The following YLPM1 variants were observed in gnomAD, a reference collection of about 807,000 sequenced individuals.
YLPM1 encodes YLP motif-containing protein 1.
Under a neutral mutation model 230.0 loss-of-function variants are expected in YLPM1, and 99 were observed. That is an observed-to-expected ratio of 0.43 (90% CI 0.37 to 0.51). The LOEUF (loss-of-function observed/expected upper bound fraction) is 0.51, where lower values mean the gene tolerates loss of function less well. Ranked by LOEUF, YLPM1 falls within the 20% of genes least tolerant of loss-of-function variation. YLPM1 has a pLI of 0.00. For synonymous variants in YLPM1, 984 were observed against 942.5 expected (o/e 1.04, Z -0.81); for missense variants, 2,592 against 2,707.7 (o/e 0.96, Z 0.95).
At position 74,816,709 on chromosome 14, in the gene YLPM1, A is replaced by T. The variant is rs2091480933; in HGVS notation, c.5685+19A>T. 6.3e-7 allele frequency: 1 copy of T among 1,597,972 alleles called. No individual in the cohort carries two copies. Among genetic ancestry groups the T allele is most frequent in the Non-Finnish European group, 8.5e-7 (1 of 1,173,338 alleles). On this transcript the variant is annotated intron_variant, in intron 13 of 20. Transcript: ENST00000325680. ...AAAGAAGGTATGGTATTCATCTCAG[A>T]TCTCGTTCTGATTCATTAATAGTAT...
intron 4 of YLPM1, among the ~76,000 whole-genome samples, chr14:74,797,362 T>C (rs1209292814): frequency 6.6e-6 from 1 of 151,986 alleles, no homozygotes; most frequent in Non-Finnish European, 1.5e-5. Context: ...AGTTAGATAA[T>C]ACTGACATGA....
At chr14:74,832,103 T>C (rs2091612104) in intron 19 of YLPM1, among the ~76,000 whole-genome samples, 1 of 152,216 alleles carries the variant, frequency 6.6e-6, no homozygotes, top group Non-Finnish European at 1.5e-5. Context: ...CTTTGAGGGC[T>C]AGTTAAGATT....
At chr14:74,805,751 G>T (rs1370031855) in intron 6 of YLPM1, among the ~76,000 whole-genome samples, 1 of 147,404 alleles carries the variant, frequency 6.8e-6, no homozygotes, top group African/African-American at 2.5e-5. Flanking sequence ...CACCCAGGCT[G>T]GAGTGCAGTG....
In YLPM1 at chr14:74,780,547, A is replaced by G. The variant is rs766550096; in HGVS notation, c.1253A>G (p.Gln418Arg). The change falls in exon 3 of 21, where the codon CAG becomes CGG. Residue 418 changes from glutamine to arginine, a missense_variant. Gln to Arg is a conservative substitution (Grantham distance 43). Around this residue, in one of 4 missense-constraint regions of YLPM1, gnomAD observed 1,862 missense variants for 1,819.8 expected, o/e 1.02. Transcript: ENST00000325680. ...KHTQLQQILQ[Q>R]YQQIIQPPPH... ...ACTCAGTTACAGCAGATTCTACAAC[A>G]GTATCAGCAGATTATACAGCCCCCA... 1.2e-6 allele frequency: 2 copies of G among 1,613,784 alleles called. No homozygotes were observed. Among genetic ancestry groups the G allele is most frequent in the Non-Finnish European group, 1.7e-6 (2 of 1,179,826 alleles).
intron 1 of YLPM1, among the ~76,000 whole-genome samples, chr14:74,772,326 A>AT (rs1363619844): frequency 6.6e-6 from 1 of 150,838 alleles, no homozygotes; most frequent in Non-Finnish European, 1.5e-5. Flanking sequence ...TTTCTTAATA[A>AT]CAGTATTTGT....
intron 11 of YLPM1, among the ~76,000 whole-genome samples, chr14:74,813,478 G>A (rs937931161): frequency 6.6e-6 from 1 of 151,844 alleles, no homozygotes; most frequent in Non-Finnish European, 1.5e-5. Flanking sequence ...ATCCTTGCAA[G>A]GGTAACTCCC....
At chr14:74,816,803 A>G in intron 13 of YLPM1, 113 bp downstream of exon 13, 2 of 1,449,488 alleles carry the variant, frequency 1.4e-6, no homozygotes, top group Non-Finnish European at 1.8e-6. Context: ...TTTTCCGAAC[A>G]CAGTACTTTA....
At chr14:74,771,290 C>T (rs558216061) in intron 1 of YLPM1, among the ~76,000 whole-genome samples, 1 of 152,212 alleles carries the variant, frequency 6.6e-6, no homozygotes, top group African/African-American at 2.4e-5. Flanking sequence ...AAGTCATCAG[C>T]ATAAAAATGG....
intron 5 of YLPM1, among the ~76,000 whole-genome samples, chr14:74,800,044 A>G (rs1196183893): frequency 1.3e-5 from 2 of 152,168 alleles, no homozygotes; most frequent in Non-Finnish European, 2.9e-5. Context: ...TTTTCCAGTA[A>G]TCAGTTTGTT....
At chr14:74,779,948 T>C (rs2091077221) in intron 2 of YLPM1, among the ~76,000 whole-genome samples, 1 of 152,010 alleles carries the variant, frequency 6.6e-6, no homozygotes, top group South Asian at 2.1e-4. Context: ...AGATTACAGG[T>C]ACCTGCCACC....
chr14:74,818,724 C>T (rs2091498313), intron 16 of YLPM1, among the ~76,000 whole-genome samples: 1 of 152,142 alleles, frequency 6.6e-6, no homozygotes, highest in Non-Finnish European at 1.5e-5. Flanking sequence ...TGAATTATCT[C>T]ACATATAGTT....
intron 1 of YLPM1, among the ~76,000 whole-genome samples, chr14:74,766,488 A>G (rs1260496779): frequency 6.6e-6 from 1 of 151,410 alleles, no homozygotes; most frequent in African/African-American, 2.4e-5. Flanking sequence ...TTATTGTTGC[A>G]TATATATATA....
At position 74,798,797 on chromosome 14, in the gene YLPM1, G is replaced by A; in HGVS notation, c.3500G>A (p.Gly1167Asp). The change falls in exon 5 of 21, where the codon GGT becomes GAT. Residue 1167 changes from glycine (G) to aspartate (D), a missense_variant. Around this residue, in one of 4 missense-constraint regions of YLPM1, gnomAD observed 1,862 missense variants for 1,819.8 expected, o/e 1.02. Coordinates refer to ENST00000325680, the MANE Select transcript of YLPM1 (RefSeq NM_019589.3). Reference sequence around the variant, plus strand: ...AGATCAGATTTTGGTCGTGATAGAGGTCCATTCAGACCAGAACCAGGAGAT... The same window carrying A: ...AGATCAGATTTTGGTCGTGATAGAGATCCATTCAGACCAGAACCAGGAGAT... Reference protein sequence around the residue: ...LGRSDFGRDRGPFRPEPGDGG... With the variant: ...LGRSDFGRDRDPFRPEPGDGG... The A allele has an allele frequency of 6.2e-7, 1 of 1,613,926 alleles. No homozygotes were observed. The highest frequency in any genetic ancestry group is 1.3e-5 in the African/African-American group (1 of 75,010).
chr14:74,825,451 T>C (rs1006522518), intron 18 of YLPM1, among the ~76,000 whole-genome samples: 1 of 152,168 alleles, frequency 6.6e-6, no homozygotes, highest in Non-Finnish European at 1.5e-5. Context: ...GACATATTCT[T>C]CTAGTAGTCT....
chr14:74,766,971 C>T (rs927140645), intron 1 of YLPM1, among the ~76,000 whole-genome samples: 1 of 150,010 alleles, frequency 6.7e-6, no homozygotes, highest in Non-Finnish European at 1.5e-5. Flanking sequence ...GCAACCTCTG[C>T]CTCCCGGGTT....
At chr14:74,803,344 T>C (rs995039952) in intron 6 of YLPM1, among the ~76,000 whole-genome samples, 6 of 152,216 alleles carry the variant, frequency 3.9e-5, no homozygotes, top group Non-Finnish European at 7.3e-5. Context: ...TTTAAGCCAG[T>C]AATGGGCTTT....
chr14:74,783,378 C>T (rs1031053379), intron 4 of YLPM1, among the ~76,000 whole-genome samples: 1 of 152,158 alleles, frequency 6.6e-6, no homozygotes, highest in African/African-American at 2.4e-5. Flanking sequence ...TGAGCCACCA[C>T]GCTCAGCCAG....
intron 5 of YLPM1, among the ~76,000 whole-genome samples, 186 bp from the exon 6 acceptor site, chr14:74,802,370 G>T (rs1359625556): frequency 6.6e-6 from 1 of 152,102 alleles, no homozygotes; most frequent in Non-Finnish European, 1.5e-5. Context: ...TGTCTTAAAT[G>T]ACTGATGAGT....
chr14:74,829,376 G>T, intron 19 of YLPM1, 33 bp downstream of exon 19: 3 of 1,610,920 alleles, frequency 1.9e-6, no homozygotes, highest in Middle Eastern at 1.7e-4. Context: ...GCCAACAAAT[G>T]AAGGGCCCAT....
Sources: gnomAD v4.1 joint callset for allele counts (sites outside exome capture counted in the v4.1 genomes callset) on GRCh38, gnomAD v4.1.1 for gene constraint, gnomAD v4.1.1 regional missense constraint, MANE v1.5 for transcripts, NCBI Gene and HGNC (gene_info 2026-07-23, HGNC 2026-07-21) for gene names.